TENM4: variants seen among roughly 807,000 people sequenced by gnomAD.
TENM4 encodes teneurin-4.
Under a neutral mutation model 243.3 loss-of-function variants are expected in TENM4, and 82 were observed. That is an observed-to-expected ratio of 0.34 (90% CI 0.28 to 0.40). TENM4 has a LOEUF of 0.40. TENM4 is among the 10% of genes least tolerant of loss of function. TENM4 has a pLI of 1.00. For synonymous variants in TENM4, 1,412 were observed against 1,456.3 expected (o/e 0.97, Z 0.69); for missense variants, 3,138 against 3,673.3 (o/e 0.85, Z 3.77).
chr11:78,976,414 T>A (rs909369967), intron 6 of TENM4, among the ~76,000 whole-genome samples: 13 of 149,956 alleles, frequency 8.7e-5, no homozygotes, highest in South Asian at 2.1e-4. Flanking sequence ...ATAAAAAGTT[T>A]AAAAAAAAAA....
chr11:79,433,064 C>T (rs895761748), intron 1 of TENM4, among the ~76,000 whole-genome samples: 1 of 152,122 alleles, frequency 6.6e-6, no homozygotes. Flanking sequence ...AAGATTATTC[C>T]CCAAATCTAA....
At chr11:79,175,017 C>G (rs1565235925) in intron 3 of TENM4, among the ~76,000 whole-genome samples, 1 of 152,180 alleles carries the variant, frequency 6.6e-6, no homozygotes, top group African/African-American at 2.4e-5. Flanking sequence ...ATATCTCTAT[C>G]TATACATCTG....
Position 79,064,859 on chromosome 11 carries a change from G to A in TENM4, c.372C>T (p.Ser124=). The change falls in exon 6 of 34, where the codon TCC becomes TCT. Residue 124 remains serine, a synonymous_variant. Coordinates refer to ENST00000278550, the MANE Select transcript of TENM4 (RefSeq NM_001098816.3). Reference sequence around the variant, plus strand: ...CCCACAGACGCACGGGGTGCTCAGGGGACAGCACCGTGTCAGCCTCCATGT... The same window carrying A: ...CCCACAGACGCACGGGGTGCTCAGGAGACAGCACCGTGTCAGCCTCCATGT... ...DADMEADTVL[S]PEHPVRLWGR... 3 of 1,551,292 alleles carry A rather than the reference G, an allele frequency of 1.9e-6. No homozygotes were observed. Among genetic ancestry groups the A allele is most frequent in the Non-Finnish European group, 2.6e-6 (3 of 1,146,944 alleles).
chr11:78,749,463 G>A lies in TENM4; in HGVS notation c.2756+7342C>T, dbSNP rs1856131369. 2.0e-5 allele frequency: 3 copies of A among 151,830 alleles called. No homozygotes were observed. In the South Asian group the frequency reaches 6.2e-4, roughly 32 times the overall value. The allele number at this position is 151,830 out of a possible 1,614,324, so 9.4% of individuals were successfully genotyped here. ...AATTTGCTCAGAGGCCAGCTGTCAG[G>A]AAGTTGGTGTTTATTTGAAGTCCAT... On this transcript the variant is annotated intron_variant, in intron 19 of 33. Transcript: ENST00000278550.
At chr11:79,137,698 C>G (rs1019890993) in intron 4 of TENM4, among the ~76,000 whole-genome samples, 6 of 152,080 alleles carry the variant, frequency 3.9e-5, no homozygotes, top group African/African-American at 1.4e-4. Flanking sequence ...ATTTTATTTC[C>G]TTTCTCCTTT....
chr11:78,982,838 T>G (rs1371873541), intron 6 of TENM4, among the ~76,000 whole-genome samples: 5 of 152,222 alleles, frequency 3.3e-5, no homozygotes, highest in African/African-American at 1.2e-4. Flanking sequence ...AAACTTGTTA[T>G]TCTCTGAGAT....
intron 16 of TENM4, among the ~76,000 whole-genome samples, chr11:78,780,740 A>G (rs1856824037): frequency 1.3e-5 from 2 of 152,206 alleles, no homozygotes; most frequent in Non-Finnish European, 1.5e-5. Context: ...TTCAAGAACC[A>G]CATAACCATG....
At chr11:78,712,738 C>A (rs754111308) in intron 25 of TENM4, 24 bp from the exon 26 acceptor site, 6 of 1,605,224 alleles carry the variant, frequency 3.7e-6, no homozygotes, top group Non-Finnish European at 5.1e-6. Flanking sequence ...ACATGGCCAA[C>A]TGGTGAGCAT....
At chr11:79,371,475 C>T (rs1055015716) in intron 1 of TENM4, among the ~76,000 whole-genome samples, 2 of 152,194 alleles carry the variant, frequency 1.3e-5, no homozygotes, top group African/African-American at 4.8e-5. Context: ...AAGATCCTAA[C>T]AAGCCCTGAA....
chr11:79,313,866 G>A (rs183259833), intron 1 of TENM4, among the ~76,000 whole-genome samples: 1 of 152,234 alleles, frequency 6.6e-6, no homozygotes, highest in Non-Finnish European at 1.5e-5. Flanking sequence ...TAAAGGCAGG[G>A]CCATTTCCAG....
chr11:79,226,522 C>A (rs61529079), intron 2 of TENM4, among the ~76,000 whole-genome samples: 17,116 of 152,176 alleles, frequency 0.11, 2,310 homozygotes, highest in African/African-American at 0.33. Flanking sequence ...CAGGGTATGG[C>A]TTATAGGTTT....
At chr11:78,863,890 T>G (rs533885169) in intron 9 of TENM4, among the ~76,000 whole-genome samples, 1 of 152,350 alleles carries the variant, frequency 6.6e-6, no homozygotes, top group East Asian at 1.9e-4. Context: ...ACATACAAGG[T>G]TATTCACTTC....
In TENM4 at chr11:78,653,764, T is replaced by A. The variant is rs1218470056; in HGVS notation, c.*4294A>T. On this transcript the variant is annotated 3_prime_UTR_variant, in exon 34 of 34. Coordinates refer to ENST00000278550, the MANE Select transcript of TENM4 (RefSeq NM_001098816.3). Reference sequence around the variant, plus strand: ...TCACATTTTCTTGGGGACCAGGAGGTCACCTAGTACCTTGCCTTTGGCATT... The same window carrying A: ...TCACATTTTCTTGGGGACCAGGAGGACACCTAGTACCTTGCCTTTGGCATT... The A allele has an allele frequency of 2.0e-5, 3 of 152,196 alleles. No individual in the cohort carries two copies. Among genetic ancestry groups the A allele is most frequent in the Admixed American group, 6.5e-5 (1 of 15,282 alleles). 9.4% of individuals were successfully genotyped at this position (152,196 alleles called of 1,614,324 possible). A position where few individuals can be genotyped will look rare whatever the true frequency, so the allele number is the denominator to read the frequency against.
intron 9 of TENM4, among the ~76,000 whole-genome samples, chr11:78,875,619 T>C (rs1411345686): frequency 6.6e-6 from 1 of 152,218 alleles, no homozygotes; most frequent in Non-Finnish European, 1.5e-5. Flanking sequence ...GAGGAGAGGA[T>C]GGGCTCTGGG....
chr11:78,866,458 T>TA (rs5792824), intron 9 of TENM4, among the ~76,000 whole-genome samples: 1,853 of 130,588 alleles, frequency 0.014, 26 homozygotes, highest in African/African-American at 0.038. Context: ...AGTCCTTGCT[T>TA]AAAAAAAAAA....
chr11:78,941,187 A>T (rs1045060905), intron 6 of TENM4, among the ~76,000 whole-genome samples: 4 of 152,218 alleles, frequency 2.6e-5, no homozygotes, highest in Admixed American at 6.5e-5. Context: ...ACCTTTGGCA[A>T]ATTGCATGAT....
chr11:78,831,534 C>G (rs1454235152), intron 12 of TENM4, among the ~76,000 whole-genome samples: 2 of 152,218 alleles, frequency 1.3e-5, no homozygotes, highest in Non-Finnish European at 2.9e-5. Context: ...GTCACTCAAC[C>G]TTGGAGACTG....
Position 78,889,812 on chromosome 11 carries a change from G to A in TENM4, c.1057C>T (p.Leu353=). ...ACAAAGTATGCCAGCAGGATGACCA[G>A]AGTGGCTGAGATGACGATGGCGCTC... The part of the protein sequence containing the change: ...ALSAIVISAT[L]VILLAYFVAM... Residue 353 remains leucine, a synonymous_variant, in exon 9 of 34, where the codon CTG becomes TTG. Transcript: ENST00000278550. 1 of 1,551,970 alleles carries A rather than the reference G, an allele frequency of 6.4e-7. No homozygotes were observed. The highest frequency in any genetic ancestry group is 8.7e-7 in the Non-Finnish European group (1 of 1,147,054).
At chr11:78,781,850 G>A (rs1425791005) in intron 16 of TENM4, among the ~76,000 whole-genome samples, 4 of 152,132 alleles carry the variant, frequency 2.6e-5, no homozygotes, top group African/African-American at 9.7e-5. Flanking sequence ...TCTCTCTTTG[G>A]ATAAGTGGTC....
Sources: gnomAD v4.1 joint callset for allele counts (sites outside exome capture counted in the v4.1 genomes callset) on GRCh38, gnomAD v4.1.1 for gene constraint, MANE v1.5 for transcripts, NCBI Gene and HGNC (gene_info 2026-07-23, HGNC 2026-07-21) for gene names.